Variants in PFKFB4 observed in about 807,000 individuals in gnomAD.
PFKFB4 encodes 6-phosphofructo-2-kinase/fructose-2,6-biphosphatase 4.
In PFKFB4, 42 loss-of-function variants were observed where a neutral mutation model predicts 62.8. That is an observed-to-expected ratio of 0.67 (90% CI 0.52 to 0.86). The LOEUF (loss-of-function observed/expected upper bound fraction) is 0.86. Among genes scored for constraint, PFKFB4 ranks in the 40% least tolerant of loss-of-function variants. The pLI, the probability that PFKFB4 is intolerant of heterozygous loss-of-function variation, is 0.00. For synonymous variants in PFKFB4, 204 were observed against 240.7 expected (o/e 0.85, Z 1.41); for missense variants, 475 against 627.2 (o/e 0.76, Z 2.59).
At chr3:48,562,913 C>A (rs370633415), upstream of PFKFB4, 4 of 1,603,756 alleles carry the variant, frequency 2.5e-6, no homozygotes, top group Non-Finnish European at 3.4e-6. The surrounding 1 kb of genome is among the most constrained non-coding windows in gnomAD (Gnocchi z 4.3). Flanking sequence ...TAGGACAATG[C>A]GCGAGCCAGG....
rs909296124 is a variant in PFKFB4 at position 48,551,824 on chromosome 3, C to T, written c.98-1590G>A. 5.9e-5 allele frequency among the ~76,000 whole-genome samples: 9 copies of T among 152,188 alleles called. No individual in the cohort carries two copies. The South Asian group carries it at 1.2e-3, about 21-fold the overall frequency. ...CCTCCCAAAGTGCTGGGATTACAGG[C>T]GTGAGCCCAGCCCTCAGCTCAGTTT... On this transcript the variant is annotated intron_variant, in intron 1 of 13. Coordinates refer to ENST00000232375, the MANE Select transcript of PFKFB4 (RefSeq NM_004567.4).
At chr3:48,541,186 G>A (rs561376778) in intron 4 of PFKFB4, among the ~76,000 whole-genome samples, 9 of 151,250 alleles carry the variant, frequency 6.0e-5, no homozygotes, top group Admixed American at 4.6e-4. Flanking sequence ...CCAGGTTCAC[G>A]CCATTCTCCT....
At chr3:48,524,754 T>C (rs939021864) in intron 10 of PFKFB4, among the ~76,000 whole-genome samples, 1 of 152,136 alleles carries the variant, frequency 6.6e-6, no homozygotes, top group Non-Finnish European at 1.5e-5. Flanking sequence ...TGCTTCTACA[T>C]GTGTATATAT....
At chr3:48,547,497 CAG>C (rs1032089859) in intron 3 of PFKFB4, among the ~76,000 whole-genome samples, 1 of 152,088 alleles carries the variant, frequency 6.6e-6, no homozygotes, top group African/African-American at 2.4e-5. Flanking sequence ...GTTTTTGAGA[CAG>C]AGTCTTACTC....
Position 48,539,860 on chromosome 3 carries a change from C to G in PFKFB4, c.379-89G>C. 3.0e-6 allele frequency: 3 copies of G among 996,536 alleles called. No individual in the cohort carries two copies. In the South Asian group the frequency reaches 3.9e-5, roughly 13 times the overall value. The allele number at this position is 996,536 out of a possible 1,614,324, so 61.7% of individuals were successfully genotyped here. On this transcript the variant is annotated intron_variant, in intron 4 of 13. Coordinates refer to ENST00000232375, the MANE Select transcript of PFKFB4 (RefSeq NM_004567.4). Reference sequence around the variant, plus strand: ...CTGAAGTGGGCAGTGAGGGCCGCAGCACAGGCTCTCTGGGGACTGGATTTC... The same window carrying G: ...CTGAAGTGGGCAGTGAGGGCCGCAGGACAGGCTCTCTGGGGACTGGATTTC...
chr3:48,558,274 CCAAGCTTTGT>C (rs2043379041), upstream of PFKFB4, among the ~76,000 whole-genome samples: 1 of 152,168 alleles, frequency 6.6e-6, no homozygotes, highest in Admixed American at 6.5e-5. Context: ...CCCCGCCTCT[CCAAGCTTTGT>C]ACACTCTCTG....
chr3:48,539,157 C>A (rs2042723562), intron 6 of PFKFB4, 97 bp downstream of exon 6: 1 of 901,508 alleles, frequency 1.1e-6, no homozygotes. Context: ...CCTCCCTACC[C>A]CCACAAGGTT....
At chr3:48,545,699 TC>T in intron 3 of PFKFB4, among the ~76,000 whole-genome samples, 1 of 152,068 alleles carries the variant, frequency 6.6e-6, no homozygotes, top group East Asian at 1.9e-4. Flanking sequence ...ACTCCTAGCT[TC>T]CAGTGATCCT....
Position 48,556,704 on chromosome 3 carries a change from G to A in PFKFB4, c.74C>T (p.Ala25Val). 2 of 1,611,352 alleles carry A rather than the reference G, an allele frequency of 1.2e-6. No individual in the cohort carries two copies. The highest frequency in any genetic ancestry group is 2.2e-5 in the South Asian group (2 of 90,896). The change falls in exon 1 of 14, where the codon GCT (alanine) becomes GTT (valine). Residue 25 changes from alanine to valine, a missense_variant. Physicochemically the swap from Ala to Val is moderately conservative, Grantham distance 64 (BLOSUM62 0). Coordinates refer to ENST00000232375, the MANE Select transcript of PFKFB4 (RefSeq NM_004567.4). The surrounding 1 kb of genome is among the most constrained non-coding windows in gnomAD (Gnocchi z 5.7). ...ACCACCGCGCTGGCAAGCGTGCAGA[G>A]CGGGCCGCCCATTGCTGTATGGCAT... ...IWMPYSNGRPALHACQRGVCM... is the reference protein window; with the variant it reads ...IWMPYSNGRPVLHACQRGVCM...
upstream of PFKFB4, chr3:48,561,055 G>C: frequency 7.8e-7 from 1 of 1,276,412 alleles, no homozygotes; most frequent in East Asian, 6.0e-5. The surrounding 1 kb of genome is among the most constrained non-coding windows in gnomAD (Gnocchi z 5.2). Context: ...TGCCTACCCC[G>C]CCTGCTGCTC....
intron 9 of PFKFB4, among the ~76,000 whole-genome samples, chr3:48,530,932 C>T (rs994115122): frequency 1.3e-5 from 2 of 152,136 alleles, no homozygotes; most frequent in Admixed American, 1.3e-4. Context: ...GTCTCAAACT[C>T]CTGATGTCAA....
Position 48,518,489 on chromosome 3 carries a change from A to T in PFKFB4, c.*1258T>A, listed in dbSNP as rs980118377. ...TCCAGACACTTTCTGACCCAGCCCC[A>T]CAACTTGCCAGCCAGTCTGTTTGCC... On this transcript the variant is annotated 3_prime_UTR_variant, in exon 14 of 14. Coordinates refer to ENST00000232375, the MANE Select transcript of PFKFB4 (RefSeq NM_004567.4). 1 of 152,294 alleles carries T rather than the reference A, an allele frequency of 6.6e-6. No homozygotes were observed. The highest frequency in any genetic ancestry group is 2.4e-5 in the African/African-American group (1 of 41,460). 9.4% of individuals were successfully genotyped at this position (152,294 alleles called of 1,614,324 possible).
At chr3:48,523,620 G>T (rs981422821) in intron 11 of PFKFB4, 21 bp from the exon 12 acceptor site, 1 of 1,614,082 alleles carries the variant, frequency 6.2e-7, no homozygotes, top group Non-Finnish European at 8.5e-7. Flanking sequence ...AGAGGGGGAT[G>T]GCTAGCACAC....
intron 13 of PFKFB4, among the ~76,000 whole-genome samples, chr3:48,520,925 C>G (rs1041957623): frequency 2.0e-5 from 3 of 152,224 alleles, no homozygotes; most frequent in Admixed American, 2.0e-4. Context: ...GCCATCTGGG[C>G]CTTCCTTGGC....
chr3:48,552,440 G>A (rs1365757676), intron 1 of PFKFB4, among the ~76,000 whole-genome samples: 3 of 152,374 alleles, frequency 2.0e-5, no homozygotes, highest in East Asian at 1.9e-4. Context: ...CCTCAGGGGC[G>A]GGAAGGAGGA....
At chr3:48,557,353 C>G (rs1284501895), upstream of PFKFB4, among the ~76,000 whole-genome samples, 1 of 152,226 alleles carries the variant, frequency 6.6e-6, no homozygotes, top group South Asian at 2.1e-4. Flanking sequence ...GCCGTCAACT[C>G]CGCTGCGCCC....
At chr3:48,558,062 T>C (rs1442872112), upstream of PFKFB4, among the ~76,000 whole-genome samples, 1 of 152,182 alleles carries the variant, frequency 6.6e-6, no homozygotes, top group Non-Finnish European at 1.5e-5. Context: ...ACAGTATAAA[T>C]TAAGTATGTC....
At chr3:48,531,630 T>A (rs572214870) in intron 9 of PFKFB4, among the ~76,000 whole-genome samples, 57 of 147,422 alleles carry the variant, frequency 3.9e-4, no homozygotes, top group East Asian at 1.8e-3. Flanking sequence ...CAAAAAAAAA[T>A]TTTTTTTTTA....
chr3:48,541,117 C>T (rs1445646510), intron 4 of PFKFB4, among the ~76,000 whole-genome samples: 1 of 144,834 alleles, frequency 6.9e-6, no homozygotes, highest in Non-Finnish European at 1.5e-5. Context: ...CGGAGTCTTG[C>T]TCTGTCACCC....
Sources: gnomAD v4.1 joint callset for allele counts (sites outside exome capture counted in the v4.1 genomes callset) on GRCh38, gnomAD v4.1.1 for gene constraint, Gnocchi (gnomAD v3.1) non-coding constraint, MANE v1.5 for transcripts, NCBI Gene and HGNC (gene_info 2026-07-23, HGNC 2026-07-21) for gene names.